The following GRID2 variants were observed in gnomAD, a reference collection of about 807,000 sequenced individuals.
GRID2 encodes the protein glutamate receptor ionotropic, delta-2.
A neutral mutation model predicts 114.8 loss-of-function variants in GRID2; 33 were observed. That is an observed-to-expected ratio of 0.29 (90% CI 0.22 to 0.38). The LOEUF (loss-of-function observed/expected upper bound fraction) is 0.38, where lower values mean the gene tolerates loss of function less well. Among genes scored for constraint, GRID2 ranks in the 10% least tolerant of loss-of-function variants. The pLI, the probability that GRID2 is intolerant of heterozygous loss-of-function variation, is 1.00. For missense variants in GRID2, 1,184 were observed against 1,257.7 expected, an observed-to-expected ratio of 0.94 and a Z score of 0.89; for synonymous variants, 505 against 449.9, an observed-to-expected ratio of 1.12 and a Z score of -1.55.
rs533751808 is a variant in GRID2, at chr4:92,365,700, A to G, written c.88+60956A>G. Among the ~76,000 whole-genome samples, 49 of 152,242 alleles carry G rather than the reference A, an allele frequency of 3.2e-4. 1 individual carries two copies. Among genetic ancestry groups the G allele is most frequent in the Admixed American group, 3.2e-3 (49 of 15,256 alleles). On this transcript the variant is annotated intron_variant, in intron 1 of 15. Coordinates refer to ENST00000282020, the MANE Select transcript of GRID2 (RefSeq NM_001510.4). ...GATGCATGTTAATTTGCTTGATTTA[A>G]TCATTCCACATTGTATACATACATC...
chr4:92,804,794 T>G lies in GRID2; in HGVS notation c.244+214508T>G, dbSNP rs1740334938. On this transcript the variant is annotated intron_variant, in intron 2 of 15. Transcript: ENST00000282020. ...AAAGTATTTCTAGTTTATTCATAAG[T>G]GTCCTAGTTGAAGTCTTTTTGTAAA... 2.0e-5 allele frequency among the ~76,000 whole-genome samples: 3 copies of G among 152,028 alleles called. No homozygotes were observed. In the South Asian group the frequency reaches 6.2e-4, roughly 31 times the overall value.
At chr4:92,794,074 A>G (rs1210380059) in intron 2 of GRID2, among the ~76,000 whole-genome samples, 1 of 151,886 alleles carries the variant, frequency 6.6e-6, no homozygotes, top group East Asian at 1.9e-4. Flanking sequence ...AGGAGTAAAA[A>G]GTAACATAAG....
chr4:92,411,655 G>GTGTGTGTGTGTGTGTATATATATATATA, intron 1 of GRID2, among the ~76,000 whole-genome samples: 6 of 84,682 alleles, frequency 7.1e-5, no homozygotes, highest in African/African-American at 3.5e-4. Flanking sequence ...GTGTGTGTGT[G>GTGTGTGTGTGTGTGTATATATATATATA]TATATATATA....
At chr4:93,115,721 T>G (rs543758104) in intron 4 of GRID2, among the ~76,000 whole-genome samples, 1 of 152,220 alleles carries the variant, frequency 6.6e-6, no homozygotes, top group Non-Finnish European at 1.5e-5. Flanking sequence ...TCTTACATGG[T>G]GGCAGGCAAG....
At chr4:92,657,192 G>A (rs1579781910) in intron 2 of GRID2, among the ~76,000 whole-genome samples, 1 of 151,604 alleles carries the variant, frequency 6.6e-6, no homozygotes, top group Admixed American at 6.6e-5. Flanking sequence ...GAAGGCTCCA[G>A]GGCATCACTT....
chr4:93,358,864 A>G (rs940909092), intron 8 of GRID2, among the ~76,000 whole-genome samples: 1 of 152,036 alleles, frequency 6.6e-6, no homozygotes, highest in South Asian at 2.1e-4. Context: ...GTTTTCTGCT[A>G]TTTTTGTCAG....
rs573187597 is a variant in GRID2 at position 93,268,764 on chromosome 4, GCAGGTATCTTGTCTCGAAAAATATAAAA to G, written c.1245+30275_1245+30302del. Among the ~76,000 whole-genome samples, 1,099 of 152,174 alleles carry G rather than the reference GCAGGTATCTTGTCTCGAAAAATATAAAA, an allele frequency of 7.2e-3. 5 individuals are homozygous for G. Among genetic ancestry groups the G allele is most frequent in the Non-Finnish European group, 0.01 (707 of 67,994 alleles). On this transcript the variant is annotated intron_variant, in intron 8 of 15. Coordinates refer to ENST00000282020, the MANE Select transcript of GRID2 (RefSeq NM_001510.4). ...AACCACATATCTAAACTGACTGATA[GCAGGTATCTTGTCTCGAAAAATATAAAA>G]GCACTGAGCTAAAGCACATCTATCT... is the stretch of plus-strand genomic sequence containing the variant.
chr4:92,790,012 G>A (rs1399186833), intron 2 of GRID2, among the ~76,000 whole-genome samples: 1 of 151,814 alleles, frequency 6.6e-6, no homozygotes, highest in Non-Finnish European at 1.5e-5. Context: ...AATTTCTGGT[G>A]GGACCCAGGC....
Position 93,153,618 on chromosome 4 carries a change from G to T in GRID2, c.735+42665G>T, listed in dbSNP as rs79594559. ...CATTCCAGGCCGGGACATAGCATGA[G>T]TTTTCTCCCTTCAACAGATCCAGTG... On this transcript the variant is annotated intron_variant, in intron 4 of 15. Coordinates refer to ENST00000282020, the MANE Select transcript of GRID2 (RefSeq NM_001510.4). Among the ~76,000 whole-genome samples, 634 of 152,140 alleles carry T rather than the reference G, an allele frequency of 4.2e-3. 8 individuals carry two copies. The highest frequency in any genetic ancestry group is 0.015 in the African/African-American group (611 of 41,546).
At chr4:93,046,288 G>A (rs949373319) in intron 2 of GRID2, among the ~76,000 whole-genome samples, 3 of 151,904 alleles carry the variant, frequency 2.0e-5, no homozygotes, top group African/African-American at 4.8e-5. Context: ...AATCTCTGTC[G>A]GTCGTTCTTC....
chr4:92,671,197 G>A (rs778474542), intron 2 of GRID2, among the ~76,000 whole-genome samples: 1 of 152,024 alleles, frequency 6.6e-6, no homozygotes, highest in African/African-American at 2.4e-5. Flanking sequence ...TGGCAGACAG[G>A]AGAGAAAGAG....
At chr4:92,311,924 G>A (rs979274067) in intron 1 of GRID2, among the ~76,000 whole-genome samples, 3 of 151,920 alleles carry the variant, frequency 2.0e-5, no homozygotes, top group African/African-American at 7.2e-5. Flanking sequence ...AACCAGATAA[G>A]AAAATATATG....
intron 4 of GRID2, among the ~76,000 whole-genome samples, chr4:93,187,318 C>CAGCACCA (rs1740522397): frequency 6.6e-6 from 1 of 151,948 alleles, no homozygotes; most frequent in South Asian, 2.1e-4. Context: ...ATTCTTTTGC[C>CAGCACCA]CTGGCTGGAG....
intron 2 of GRID2, among the ~76,000 whole-genome samples, chr4:92,798,288 C>T (rs1207445698): frequency 1.3e-5 from 2 of 151,890 alleles, no homozygotes; most frequent in African/African-American, 4.8e-5. Context: ...CATTCAGCAA[C>T]AATTGTACCT....
At chr4:92,944,108 C>G (rs906422239) in intron 2 of GRID2, among the ~76,000 whole-genome samples, 5 of 152,212 alleles carry the variant, frequency 3.3e-5, no homozygotes, top group African/African-American at 1.2e-4. Context: ...CTCTTCAAAG[C>G]TGTCAGACAG....
At chr4:93,451,192 T>C (rs1722650907) in intron 10 of GRID2, among the ~76,000 whole-genome samples, 1 of 152,068 alleles carries the variant, frequency 6.6e-6, no homozygotes, top group African/African-American at 2.4e-5. Context: ...TTCATGGAGC[T>C]TATGGCCTAG....
chr4:93,085,386 T>A lies in GRID2; in HGVS notation c.529+107T>A, dbSNP rs187050868. 6.9e-4 allele frequency: 593 copies of A among 856,130 alleles called. 2 individuals are homozygous for A. The African/African-American group carries it at 8.2e-3, about 12-fold the overall frequency. The allele number at this position is 856,130 out of a possible 1,614,324, so 53.0% of individuals were successfully genotyped here. ...GGTCTTACTCATTGTTATTTGTGGT[T>A]TTCTTGTCTTGTCATATTTTTCTTA... On this transcript the variant is annotated intron_variant, in intron 3 of 15. Transcript: ENST00000282020.
chr4:93,514,869 C>T (rs1294333494), intron 12 of GRID2, among the ~76,000 whole-genome samples: 1 of 152,156 alleles, frequency 6.6e-6, no homozygotes, highest in Non-Finnish European at 1.5e-5. Context: ...TTTTAAATTA[C>T]TAAATTAGCA....
intron 13 of GRID2, among the ~76,000 whole-genome samples, chr4:93,525,177 T>C (rs1333109300): frequency 1.3e-5 from 2 of 151,994 alleles, no homozygotes; most frequent in Non-Finnish European, 2.9e-5. Flanking sequence ...AAAGGGAACC[T>C]AGCATAGCCT....
Sources: gnomAD v4.1 joint callset for allele counts (sites outside exome capture counted in the v4.1 genomes callset) on GRCh38, gnomAD v4.1.1 for gene constraint, MANE v1.5 for transcripts, NCBI Gene and HGNC (gene_info 2026-07-23, HGNC 2026-07-21) for gene names.